CDKAL1: variants seen among roughly 807,000 people sequenced by gnomAD.
CDKAL1 encodes CDKAL1 threonylcarbamoyladenosine tRNA methylthiotransferase, also known as threonylcarbamoyladenosine tRNA methylthiotransferase.
CDKAL1 carries 32 observed loss-of-function variants against 68.2 expected under a neutral mutation model. That is an observed-to-expected ratio of 0.47 (90% CI 0.35 to 0.63). CDKAL1 has a LOEUF of 0.63. Among genes scored for constraint, CDKAL1 ranks in the 30% least tolerant of loss-of-function variants. The pLI is 0.00. For synonymous variants in CDKAL1, 234 were observed against 244.3 expected (o/e 0.96, Z 0.39); for missense variants, 606 against 696.7 (o/e 0.87, Z 1.47).
chr6:20,791,305 T>G (rs1321895596), intron 8 of CDKAL1, among the ~76,000 whole-genome samples: 1 of 152,164 alleles, frequency 6.6e-6, no homozygotes, highest in Non-Finnish European at 1.5e-5. Context: ...TATATAGTAT[T>G]ATTAACTTTA....
intron 9 of CDKAL1, among the ~76,000 whole-genome samples, chr6:20,873,684 C>T (rs183913339): frequency 6.6e-6 from 1 of 152,236 alleles, no homozygotes; most frequent in East Asian, 1.9e-4. Flanking sequence ...ATTGTCCCAC[C>T]CTCACATCCA....
chr6:20,754,656 A>G (rs1319103345), intron 6 of CDKAL1, among the ~76,000 whole-genome samples: 1 of 152,084 alleles, frequency 6.6e-6, no homozygotes, highest in Non-Finnish European at 1.5e-5. Context: ...TCTTTTTATT[A>G]TTGAGTTGTA....
chr6:21,179,887 A>G (rs1163560207), intron 13 of CDKAL1, among the ~76,000 whole-genome samples: 1 of 152,138 alleles, frequency 6.6e-6, no homozygotes, highest in African/African-American at 2.4e-5. Flanking sequence ...TGGGCGTGGT[A>G]GCATGTGCCT....
At chr6:21,135,645 A>T in intron 13 of CDKAL1, 6 of 963,828 alleles carry the variant, frequency 6.2e-6, no homozygotes, top group Non-Finnish European at 7.4e-6. Context: ...TCTTCCAGCA[A>T]CATAGAAACT....
intron 5 of CDKAL1, among the ~76,000 whole-genome samples, chr6:20,681,427 G>A (rs1410973111): frequency 2.6e-5 from 4 of 152,140 alleles, no homozygotes; most frequent in Admixed American, 2.6e-4. Flanking sequence ...ATTTTAGCAT[G>A]TTTTACAAAT....
At chr6:20,544,967 G>C (rs551954731) in intron 2 of CDKAL1, among the ~76,000 whole-genome samples, 2 of 30,978 alleles carry the variant, frequency 6.5e-5, no homozygotes, top group African/African-American at 1.1e-3. Flanking sequence ...TTACAGTTTT[G>C]TGTGTGTGTG....
chr6:20,755,707 T>C (rs1261755446), intron 6 of CDKAL1, among the ~76,000 whole-genome samples: 1 of 152,198 alleles, frequency 6.6e-6, no homozygotes, highest in African/African-American at 2.4e-5. Context: ...GTCAGTCTGT[T>C]TGTCTGTTTG....
chr6:20,937,666 T>C (rs1763786066), intron 9 of CDKAL1, among the ~76,000 whole-genome samples: 1 of 152,222 alleles, frequency 6.6e-6, no homozygotes, highest in South Asian at 2.1e-4. Context: ...TTATAGCACC[T>C]CTCTCACTTT....
At chr6:20,719,672 C>T (rs1772254282) in intron 5 of CDKAL1, among the ~76,000 whole-genome samples, 1 of 152,058 alleles carries the variant, frequency 6.6e-6, no homozygotes. Flanking sequence ...AATTTAAAAA[C>T]CACACAGAAA....
intron 5 of CDKAL1, among the ~76,000 whole-genome samples, chr6:20,672,230 TTCTTTC>T (rs1379204287): frequency 2.4e-5 from 2 of 84,772 alleles, no homozygotes; most frequent in African/African-American, 3.3e-5. Flanking sequence ...TTTCTTTCTT[TTCTTTC>T]TCTTTCTTTC....
At chr6:20,607,820 G>A (rs13328252) in intron 4 of CDKAL1, among the ~76,000 whole-genome samples, 1 of 152,008 alleles carries the variant, frequency 6.6e-6, no homozygotes, top group African/African-American at 2.4e-5. Flanking sequence ...TCAGCCTCCT[G>A]AGTAGCTGGG....
At chr6:21,115,204 C>T (rs1022652093) in intron 13 of CDKAL1, among the ~76,000 whole-genome samples, 17 of 152,310 alleles carry the variant, frequency 1.1e-4, no homozygotes, top group African/African-American at 4.1e-4. Flanking sequence ...TTACAAAAGT[C>T]ACTTCACCCA....
In CDKAL1 at chr6:20,914,428, T is replaced by G. The variant is rs550868826; in HGVS notation, c.743-40991T>G. 1.6e-3 allele frequency among the ~76,000 whole-genome samples: 249 copies of G among 151,440 alleles called. 1 individual carries two copies. The highest frequency in any genetic ancestry group is 5.1e-3 in the African/African-American group (210 of 41,296). On this transcript the variant is annotated intron_variant, in intron 9 of 15. Coordinates refer to ENST00000274695, the MANE Select transcript of CDKAL1 (RefSeq NM_017774.3). ...TTTAATCTCTTACCGAGTTTTATGG[T>G]TTTTTTTTCATGAGAATTTATCATG...
intron 11 of CDKAL1, among the ~76,000 whole-genome samples, chr6:21,044,854 T>G (rs573818271): frequency 9.8e-5 from 15 of 152,302 alleles, no homozygotes; most frequent in East Asian, 9.6e-4. Flanking sequence ...TTATAAACTA[T>G]AGAAATTTAT....
chr6:20,701,257 TTG>T lies in CDKAL1; in HGVS notation c.372-38260_372-38259del, dbSNP rs1161660783. ...GGCTCAATCTCACCTATACATGAAG[TTG>T]TTTTTTTTTTTTTTTTTGGCTTGCC... On this transcript the variant is annotated intron_variant, in intron 5 of 15. Transcript: ENST00000274695. Among the ~76,000 whole-genome samples the T allele has an allele frequency of 8.2e-5, 9 of 110,206 alleles. No homozygotes were observed. The South Asian group carries it at 2.7e-3, about 33-fold the overall frequency. 72.3% of individuals were successfully genotyped at this position (110,206 alleles called of 152,430 possible).
At chr6:20,917,224 G>A (rs1746249377) in intron 9 of CDKAL1, among the ~76,000 whole-genome samples, 1 of 151,996 alleles carries the variant, frequency 6.6e-6, no homozygotes, top group Admixed American at 6.6e-5. Context: ...CAGGTGATCC[G>A]CCCGCCTCGG....
intron 4 of CDKAL1, among the ~76,000 whole-genome samples, chr6:20,626,196 CCT>C (rs1447584655): frequency 4.6e-5 from 7 of 152,052 alleles, no homozygotes; most frequent in African/African-American, 1.7e-4. Flanking sequence ...TTTTCCAATG[CCT>C]CTGTTATATG....
chr6:20,679,197 A>G (rs1397799694), intron 5 of CDKAL1, among the ~76,000 whole-genome samples: 8 of 152,254 alleles, frequency 5.3e-5, no homozygotes, highest in East Asian at 1.9e-4. Flanking sequence ...GATTATAGGC[A>G]TGAGCCACTG....
chr6:20,565,040 C>T (rs1764403563), intron 4 of CDKAL1, among the ~76,000 whole-genome samples: 1 of 152,010 alleles, frequency 6.6e-6, no homozygotes, highest in African/African-American at 2.4e-5. Flanking sequence ...TAGACGGAAA[C>T]CTCCTGATTG....
Sources: gnomAD v4.1 joint callset for allele counts (sites outside exome capture counted in the v4.1 genomes callset) on GRCh38, gnomAD v4.1.1 for gene constraint, MANE v1.5 for transcripts, NCBI Gene and HGNC (gene_info 2026-07-23, HGNC 2026-07-21) for gene names.